ARHGAP10: variants seen among roughly 807,000 people sequenced by gnomAD.
The protein encoded by ARHGAP10 is rho GTPase-activating protein 10.
In ARHGAP10, 87 loss-of-function variants were observed where a neutral mutation model predicts 108.6. That is an observed-to-expected ratio of 0.80 (90% CI 0.67 to 0.96). The LOEUF is 0.96. Ranked by LOEUF, ARHGAP10 falls within the 40% of genes least tolerant of loss-of-function variation. The pLI is 0.00. For missense variants in ARHGAP10, 939 were observed against 954.5 expected (o/e 0.98, Z 0.21); for synonymous variants, 347 against 341.1 (o/e 1.02, Z -0.19).
At position 148,055,931 on chromosome 4, in the gene ARHGAP10, C is replaced by T. The variant is rs563954100; in HGVS notation, c.2028-7217C>T. 2.0e-5 allele frequency among the ~76,000 whole-genome samples: 3 copies of T among 152,228 alleles called. No individual in the cohort carries two copies. In the South Asian group the frequency reaches 6.2e-4, roughly 32 times the overall value. On this transcript the variant is annotated intron_variant, in intron 20 of 22. Coordinates refer to ENST00000336498, the MANE Select transcript of ARHGAP10 (RefSeq NM_024605.4). ...TCTCCATCCGAATTGTCTTCATCTC[C>T]CCCAAACCCCACGTCCCTTCCAGGC...
chr4:147,740,951 G>C (rs181962819), intron 1 of ARHGAP10, among the ~76,000 whole-genome samples: 1 of 152,060 alleles, frequency 6.6e-6, no homozygotes, highest in East Asian at 1.9e-4. Context: ...GATACAGTTG[G>C]GCACATCCAT....
At chr4:147,798,771 CTCTCTCTCTCTA>C (rs1731445878) in intron 1 of ARHGAP10, among the ~76,000 whole-genome samples, 3 of 5,038 alleles carry the variant, frequency 6.0e-4, no homozygotes, top group East Asian at 0.019. Flanking sequence ...CTCTCTCTCT[CTCTCTCTCTCTA>C]TATATATATA....
chr4:147,803,651 T>C (rs1372174470), intron 1 of ARHGAP10, among the ~76,000 whole-genome samples: 1 of 152,232 alleles, frequency 6.6e-6, no homozygotes, highest in Non-Finnish European at 1.5e-5. Context: ...GTCAACTTTA[T>C]TGGCCCACAC....
At chr4:147,960,010 C>T (rs143829292) in intron 16 of ARHGAP10, among the ~76,000 whole-genome samples, 1 of 152,096 alleles carries the variant, frequency 6.6e-6, no homozygotes, top group South Asian at 2.1e-4. Context: ...CAGTAGTTGT[C>T]CTTTTACTCC....
chr4:147,936,343 A>G (rs1257283356), intron 13 of ARHGAP10, among the ~76,000 whole-genome samples: 1 of 52,368 alleles, frequency 1.9e-5, no homozygotes, highest in Non-Finnish European at 3.8e-5. Flanking sequence ...TTTTTTTGAG[A>G]TGGAGTCTTG....
At chr4:147,894,633 A>C (rs1486214946) in intron 10 of ARHGAP10, among the ~76,000 whole-genome samples, 1 of 152,060 alleles carries the variant, frequency 6.6e-6, no homozygotes, top group Non-Finnish European at 1.5e-5. Context: ...GTTTTGAAGA[A>C]ATTTTCTGAT....
chr4:147,835,779 T>A (rs545323299), intron 3 of ARHGAP10, among the ~76,000 whole-genome samples: 3 of 152,378 alleles, frequency 2.0e-5, no homozygotes, highest in East Asian at 1.9e-4. Context: ...TAAAATTTTC[T>A]CTTATGTAAA....
chr4:147,945,204 G>A (rs1738324821), intron 14 of ARHGAP10, among the ~76,000 whole-genome samples: 1 of 152,050 alleles, frequency 6.6e-6, no homozygotes, highest in Non-Finnish European at 1.5e-5. Flanking sequence ...ATACTCCTTA[G>A]GGGTTTGCCT....
chr4:147,952,929 C>T (rs1364434159), intron 15 of ARHGAP10, among the ~76,000 whole-genome samples: 3 of 151,954 alleles, frequency 2.0e-5, no homozygotes, highest in Non-Finnish European at 4.4e-5. Context: ...TTAATTTTTA[C>T]ATAAGATATG....
At chr4:147,842,650 C>T (rs549223545) in intron 3 of ARHGAP10, among the ~76,000 whole-genome samples, 1 of 152,242 alleles carries the variant, frequency 6.6e-6, no homozygotes, top group African/African-American at 2.4e-5. Flanking sequence ...TGGAGAACAC[C>T]GTCCCTCTGT....
intron 11 of ARHGAP10, among the ~76,000 whole-genome samples, chr4:147,909,243 G>T (rs1736632865): frequency 6.6e-6 from 1 of 152,240 alleles, no homozygotes; most frequent in Admixed American, 6.5e-5. Context: ...TCTGAAGTGA[G>T]GTTGAGGTGG....
At chr4:147,975,364 G>A (rs1454498754) in intron 18 of ARHGAP10, among the ~76,000 whole-genome samples, 1 of 152,122 alleles carries the variant, frequency 6.6e-6, no homozygotes, top group Non-Finnish European at 1.5e-5. Flanking sequence ...CAGTCACGGA[G>A]GAGCCTAGAC....
chr4:147,890,671 G>A lies in ARHGAP10; in HGVS notation c.1034+8739G>A, dbSNP rs190965864. Among the ~76,000 whole-genome samples the A allele has an allele frequency of 2.8e-3, 429 of 152,154 alleles. 2 individuals are homozygous for A. The highest frequency in any genetic ancestry group is 9.5e-3 in the African/African-American group (395 of 41,534). ...GTGAAACCCCATCTCTACTAAAAATGCAAAAATTAACTGGGTGTGGTGGTG... is the reference window on the plus strand; with the variant it reads ...GTGAAACCCCATCTCTACTAAAAATACAAAAATTAACTGGGTGTGGTGGTG... On this transcript the variant is annotated intron_variant, in intron 10 of 22. Transcript: ENST00000336498.
chr4:147,976,802 A>G (rs1335396369), intron 18 of ARHGAP10, among the ~76,000 whole-genome samples: 1 of 152,098 alleles, frequency 6.6e-6, no homozygotes, highest in Non-Finnish European at 1.5e-5. Flanking sequence ...AATTTAGGAG[A>G]GAGTCATTCT....
At chr4:147,969,836 TC>T (rs1739340253) in intron 18 of ARHGAP10, among the ~76,000 whole-genome samples, 1 of 152,214 alleles carries the variant, frequency 6.6e-6, no homozygotes, top group South Asian at 2.1e-4. Context: ...TTCCTTCTCT[TC>T]CTTTCTGTGG....
At chr4:147,795,511 C>T (rs1014520226) in intron 1 of ARHGAP10, among the ~76,000 whole-genome samples, 10 of 151,854 alleles carry the variant, frequency 6.6e-5, no homozygotes, top group African/African-American at 1.9e-4. Context: ...TATATTTTTA[C>T]GAAACATTCT....
intron 1 of ARHGAP10, among the ~76,000 whole-genome samples, chr4:147,761,624 A>G (rs1353095696): frequency 6.6e-6 from 1 of 152,224 alleles, no homozygotes; most frequent in Non-Finnish European, 1.5e-5. Flanking sequence ...TGAGTTAGCA[A>G]TTATATCAGG....
intron 1 of ARHGAP10, among the ~76,000 whole-genome samples, chr4:147,741,800 A>ACGCACACACACGCACACACACG (rs139305144): frequency 7.2e-6 from 1 of 138,976 alleles, no homozygotes; most frequent in Non-Finnish European, 1.5e-5. Flanking sequence ...ACGCACACAC[A>ACGCACACACACGCACACACACG]CACACACACA....
chr4:147,778,975 A>G (rs1363923598), intron 1 of ARHGAP10, among the ~76,000 whole-genome samples: 4 of 152,210 alleles, frequency 2.6e-5, no homozygotes, highest in Non-Finnish European at 5.9e-5. Flanking sequence ...TGAAAAGGAA[A>G]GTAGAAATCA....
Sources: gnomAD v4.1 joint callset for allele counts (sites outside exome capture counted in the v4.1 genomes callset) on GRCh38, gnomAD v4.1.1 for gene constraint, MANE v1.5 for transcripts, NCBI Gene and HGNC (gene_info 2026-07-23, HGNC 2026-07-21) for gene names.